The following MAPK10 variants were observed in gnomAD, a reference collection of about 807,000 sequenced individuals.
MAPK10 encodes the protein JNK3 alpha protein kinase.
A neutral mutation model predicts 59.3 loss-of-function variants in MAPK10; 25 were observed. The observed-to-expected ratio is 0.42, with a 90% CI of 0.31 to 0.59. The LOEUF (loss-of-function observed/expected upper bound fraction) is 0.59. MAPK10 is among the 20% of genes least tolerant of loss of function. The pLI, the probability that MAPK10 is intolerant of heterozygous loss-of-function variation, is 0.15. For missense variants in MAPK10, 351 were observed against 568.9 expected (o/e 0.62, Z 3.90); for synonymous variants, 190 against 200.5 (o/e 0.95, Z 0.44).
chr4:86,093,998 C>T (rs1473398188), intron 9 of MAPK10, among the ~76,000 whole-genome samples: 1 of 151,764 alleles, frequency 6.6e-6, no homozygotes, highest in Non-Finnish European at 1.5e-5. Context: ...TTTGAAATAA[C>T]TCTGTATTGT....
intron 1 of MAPK10, among the ~76,000 whole-genome samples, chr4:86,441,978 CA>C (rs952139300): frequency 6.6e-6 from 1 of 152,120 alleles, no homozygotes; most frequent in African/African-American, 2.4e-5. Flanking sequence ...AGACAAAGAT[CA>C]AAAAGGCTTA....
chr4:86,105,810 G>A (rs1475944384), intron 5 of MAPK10, among the ~76,000 whole-genome samples: 1 of 152,034 alleles, frequency 6.6e-6, no homozygotes. Context: ...TTAGATATGA[G>A]TGTGCAGTTC....
chr4:86,367,324 T>G (rs930692349), intron 1 of MAPK10, among the ~76,000 whole-genome samples: 1 of 152,196 alleles, frequency 6.6e-6, no homozygotes, highest in Non-Finnish European at 1.5e-5. Flanking sequence ...TTTCACAGAA[T>G]GCCTTCCCTC....
intron 2 of MAPK10, among the ~76,000 whole-genome samples, chr4:86,320,573 G>C (rs1298773532): frequency 6.6e-6 from 1 of 152,178 alleles, no homozygotes; most frequent in African/African-American, 2.4e-5. Context: ...TGTCAGATGA[G>C]TAGGTTGCGA....
intron 1 of MAPK10, among the ~76,000 whole-genome samples, chr4:86,499,838 C>T (rs1309368131): frequency 6.6e-6 from 1 of 152,128 alleles, no homozygotes; most frequent in Non-Finnish European, 1.5e-5. Flanking sequence ...TGAAGTATGT[C>T]TTTTTGTCCT....
intron 11 of MAPK10, among the ~76,000 whole-genome samples, chr4:86,055,614 C>T (rs2148968735): frequency 6.7e-6 from 1 of 149,722 alleles, no homozygotes; most frequent in Middle Eastern, 3.5e-3. Context: ...CAGTAAAATC[C>T]AAGGTCATAT....
chr4:86,212,193 A>G (rs963081784), intron 2 of MAPK10, among the ~76,000 whole-genome samples: 1 of 152,114 alleles, frequency 6.6e-6, no homozygotes, highest in Non-Finnish European at 1.5e-5. Flanking sequence ...TATGCTATCT[A>G]TGAGAGATTT....
At chr4:86,249,431 A>T (rs2093302500) in intron 2 of MAPK10, among the ~76,000 whole-genome samples, 1 of 152,186 alleles carries the variant, frequency 6.6e-6, no homozygotes, top group African/African-American at 2.4e-5. Flanking sequence ...GTGCCCACCA[A>T]ATTGTCCCTG....
At chr4:86,247,855 G>A (rs888750388) in intron 2 of MAPK10, among the ~76,000 whole-genome samples, 5 of 152,114 alleles carry the variant, frequency 3.3e-5, no homozygotes, top group Non-Finnish European at 5.9e-5. Flanking sequence ...GGAAGTGTTG[G>A]GAATGTAGGT....
intron 1 of MAPK10, among the ~76,000 whole-genome samples, chr4:86,388,759 AAAT>A (rs1741825346): frequency 6.6e-6 from 1 of 152,206 alleles, no homozygotes; most frequent in Admixed American, 6.5e-5. Context: ...CAATATTAAT[AAAT>A]AATAGAAATT....
chr4:86,467,899 TA>T (rs1241772452), intron 1 of MAPK10, among the ~76,000 whole-genome samples: 1 of 152,150 alleles, frequency 6.6e-6, no homozygotes, highest in Non-Finnish European at 1.5e-5. Flanking sequence ...AGAGTCCCCA[TA>T]TAAATTAGAG....
chr4:86,028,976 T>C (rs1466473921), intron 13 of MAPK10: 1 of 590,626 alleles, frequency 1.7e-6, no homozygotes. Context: ...AAATTATTTA[T>C]GAAAAAGTTT....
intron 1 of MAPK10, among the ~76,000 whole-genome samples, chr4:86,579,480 TC>T (rs1762113377): frequency 6.6e-6 from 1 of 151,476 alleles, no homozygotes; most frequent in African/African-American, 2.4e-5. Flanking sequence ...TCTCAGTAAT[TC>T]TTTATATAAA....
intron 1 of MAPK10, among the ~76,000 whole-genome samples, chr4:86,368,245 G>A (rs891315857): frequency 5.9e-5 from 9 of 152,084 alleles, no homozygotes; most frequent in Non-Finnish European, 8.8e-5. Flanking sequence ...CAGAAAAATT[G>A]AGCAGAAAAG....
At chr4:86,484,733 A>G (rs1452428300) in intron 1 of MAPK10, among the ~76,000 whole-genome samples, 1 of 140,052 alleles carries the variant, frequency 7.1e-6, no homozygotes, top group Non-Finnish European at 1.6e-5. Context: ...TATTATGTTT[A>G]TTTTACAGAT....
intron 4 of MAPK10, among the ~76,000 whole-genome samples, chr4:86,146,430 T>C (rs1028097121): frequency 6.6e-6 from 1 of 152,148 alleles, no homozygotes; most frequent in Non-Finnish European, 1.5e-5. Flanking sequence ...GATAGACATT[T>C]TAGAGAGGGC....
At chr4:86,111,417 T>C (rs1024959583) in intron 4 of MAPK10, among the ~76,000 whole-genome samples, 1 of 152,310 alleles carries the variant, frequency 6.6e-6, no homozygotes, top group East Asian at 1.9e-4. Flanking sequence ...ACCTAGTTTA[T>C]TGAGAGTTTT....
At chr4:86,469,673 AT>A (rs1012986952) in intron 1 of MAPK10, among the ~76,000 whole-genome samples, 2 of 152,194 alleles carry the variant, frequency 1.3e-5, no homozygotes, top group African/African-American at 4.8e-5. Context: ...TGCTTTAATA[AT>A]TTTTTAAAGG....
At chr4:86,397,672 C>T (rs1420435152) in intron 1 of MAPK10, among the ~76,000 whole-genome samples, 4 of 151,950 alleles carry the variant, frequency 2.6e-5, no homozygotes, top group African/African-American at 9.7e-5. Flanking sequence ...CTGGGCAATA[C>T]CCTTGTTCTT....
Sources: gnomAD v4.1 joint callset for allele counts (sites outside exome capture counted in the v4.1 genomes callset) on GRCh38, gnomAD v4.1.1 for gene constraint, MANE v1.5 for transcripts, NCBI Gene and HGNC (gene_info 2026-07-23, HGNC 2026-07-21) for gene names.